Variants in PREP observed in about 807,000 individuals in gnomAD.
The protein encoded by PREP is dJ355L5.1 (prolyl endopeptidase).
A neutral mutation model predicts 87.6 loss-of-function variants in PREP; 29 were observed. That is an observed-to-expected ratio of 0.33 (90% CI 0.25 to 0.45). The LOEUF (loss-of-function observed/expected upper bound fraction) is 0.45. Among genes scored for constraint, PREP ranks in the 20% least tolerant of loss-of-function variants. The pLI is 1.00. For synonymous variants in PREP, 337 were observed against 328.6 expected (o/e 1.03, Z -0.28); for missense variants, 695 against 886.5 (o/e 0.78, Z 2.74).
chr6:105,401,615 A>G (rs895963035), intron 1 of PREP, among the ~76,000 whole-genome samples: 1 of 129,580 alleles, frequency 7.7e-6, no homozygotes, highest in African/African-American at 4.5e-5. Context: ...TATTCAAAGG[A>G]AACAACCTTT....
chr6:105,350,768 A>G (rs116939441), intron 7 of PREP, among the ~76,000 whole-genome samples: 4,704 of 152,324 alleles, frequency 0.031, 82 homozygotes, highest in Non-Finnish European at 0.044. Flanking sequence ...TCCCAGGGCC[A>G]CCATTCAAAA....
At chr6:105,398,933 T>C (rs560915577) in intron 1 of PREP, among the ~76,000 whole-genome samples, 5 of 151,974 alleles carry the variant, frequency 3.3e-5, no homozygotes, top group African/African-American at 1.2e-4. Context: ...CATGCTGAAA[T>C]CCTGTCTCTA....
intron 14 of PREP, chr6:105,280,941 A>G (rs935456826): frequency 3.3e-5 from 5 of 152,224 alleles, no homozygotes; most frequent in African/African-American, 2.4e-5. Flanking sequence ...AGGAAATCCC[A>G]TATATTTGAT....
intron 14 of PREP, chr6:105,280,912 TCTTTA>T (rs1770068540): frequency 6.6e-6 from 1 of 152,230 alleles, no homozygotes; most frequent in Non-Finnish European, 1.5e-5. Flanking sequence ...GAGCATATAT[TCTTTA>T]CTTAATTTAG....
chr6:105,350,733 C>G (rs1315675542), intron 7 of PREP, among the ~76,000 whole-genome samples: 2 of 152,188 alleles, frequency 1.3e-5, no homozygotes, highest in African/African-American at 4.8e-5. Flanking sequence ...TGGTGAATAA[C>G]TGCAATTGTT....
chr6:105,322,893 T>G (rs1212095239), intron 10 of PREP: 2 of 1,183,658 alleles, frequency 1.7e-6, no homozygotes, highest in East Asian at 1.2e-4. Context: ...AGAAACATTG[T>G]GGGGAACATC....
chr6:105,315,378 G>T (rs1770839587), intron 10 of PREP, among the ~76,000 whole-genome samples: 1 of 152,062 alleles, frequency 6.6e-6, no homozygotes, highest in Admixed American at 6.6e-5. Context: ...GCACCACATT[G>T]CCAGGCTCAT....
intron 6 of PREP, among the ~76,000 whole-genome samples, chr6:105,363,351 C>T (rs182910926): frequency 6.5e-4 from 99 of 152,058 alleles, no homozygotes; most frequent in Non-Finnish European, 1.2e-3. Flanking sequence ...TTTTTTTTCT[C>T]CCCAGATGCT....
chr6:105,397,013 C>T lies in PREP; in HGVS notation c.120+840G>A, dbSNP rs144659827. Among the ~76,000 whole-genome samples, 309 of 151,912 alleles carry T rather than the reference C, an allele frequency of 2.0e-3. 4 individuals carry two copies. In the East Asian group the frequency reaches 0.049, roughly 24 times the overall value. ...AGCCTGGCCAACATGGTGAAACCCC[C>T]GTCTCTACTAAAAATACAAAAACTA... On this transcript the variant is annotated intron_variant, in intron 2 of 14. Coordinates refer to ENST00000652536, the MANE Select transcript of PREP (RefSeq NM_002726.5).
At chr6:105,340,982 G>A (rs1357622708) in intron 7 of PREP, among the ~76,000 whole-genome samples, 2 of 152,140 alleles carry the variant, frequency 1.3e-5, no homozygotes, top group Admixed American at 6.5e-5. Context: ...ACACATCAAC[G>A]AGACAGAAAG....
chr6:105,359,243 G>A (rs979229744), intron 6 of PREP, among the ~76,000 whole-genome samples: 1 of 152,156 alleles, frequency 6.6e-6, no homozygotes, highest in African/African-American at 2.4e-5. Flanking sequence ...GGGAGAGACA[G>A]ATACACTAAA....
chr6:105,360,934 C>G (rs188136077), intron 6 of PREP, among the ~76,000 whole-genome samples: 1 of 152,136 alleles, frequency 6.6e-6, no homozygotes, highest in Admixed American at 6.5e-5. Flanking sequence ...TTTACACACA[C>G]ACATACATAT....
At chr6:105,330,683 G>T (rs1771305991) in intron 8 of PREP, among the ~76,000 whole-genome samples, 1 of 152,064 alleles carries the variant, frequency 6.6e-6, no homozygotes, top group South Asian at 2.1e-4. Flanking sequence ...GAAGGGGGGG[G>T]TTCTTGACAC....
intron 6 of PREP, among the ~76,000 whole-genome samples, chr6:105,362,709 C>T (rs140121217): frequency 1.3e-3 from 198 of 152,280 alleles, no homozygotes; most frequent in African/African-American, 4.4e-3. Context: ...CTTATCAGCA[C>T]GGTGAATATT....
At position 105,276,245 on chromosome 6, in the gene PREP, T is replaced by C. The variant is rs1365191929; in HGVS notation, c.*1899A>G. Among the ~76,000 whole-genome samples, 6 of 152,266 alleles carry C rather than the reference T, an allele frequency of 3.9e-5. No individual in the cohort carries two copies. Among genetic ancestry groups the C allele is most frequent in the African/African-American group, 1.2e-4 (5 of 41,472 alleles). ...AGAACTCGTAACTGGAGGCCAATCA[T>C]GCTAGGCATTAAAAACGTATTACTG... On this transcript the variant is annotated 3_prime_UTR_variant, in exon 15 of 15. Coordinates refer to ENST00000652536, the MANE Select transcript of PREP (RefSeq NM_002726.5).
At chr6:105,373,290 G>C (rs1583091840) in intron 5 of PREP, 79 bp downstream of exon 5, 1 of 1,441,810 alleles carries the variant, frequency 6.9e-7, no homozygotes, top group Non-Finnish European at 9.7e-7. Context: ...CTCTATGTAG[G>C]GTTCAGCATC....
chr6:105,310,134 A>G (rs1410434105), intron 10 of PREP, among the ~76,000 whole-genome samples: 1 of 152,204 alleles, frequency 6.6e-6, no homozygotes, highest in East Asian at 1.9e-4. Context: ...GGAAGAAGAG[A>G]GAGAGTGGGA....
chr6:105,291,547 A>T (rs1190041), intron 10 of PREP, among the ~76,000 whole-genome samples: 2 of 152,012 alleles, frequency 1.3e-5, no homozygotes, highest in Admixed American at 1.3e-4. Flanking sequence ...AAAAGGAGAG[A>T]CAGGCCTAGC....
At chr6:105,281,566 CTTTTGTTCAAGACCATATT>C in intron 14 of PREP, 161 bp downstream of exon 14, 1 of 711,538 alleles carries the variant, frequency 1.4e-6, no homozygotes, top group East Asian at 3.1e-5. Context: ...TAGTTTGTTG[CTTTTGTTCAAGACCATATT>C]AAATCAAGAA....
Sources: allele counts gnomAD v4.1 joint callset (sites outside exome capture counted in the v4.1 genomes callset), GRCh38; gene constraint gnomAD v4.1.1; transcripts MANE v1.5; gene names NCBI Gene and HGNC (gene_info 2026-07-23, HGNC 2026-07-21).